The following ZYG11B variants were observed in gnomAD, a reference collection of about 807,000 sequenced individuals.
ZYG11B encodes zyg-11 family member B, cell cycle regulator, also known as protein zyg-11 homolog B.
ZYG11B carries 36 observed loss-of-function variants against 82.4 expected under a neutral mutation model. That is an observed-to-expected ratio of 0.44 (90% confidence interval 0.33 to 0.58). ZYG11B has a LOEUF of 0.58. Ranked by LOEUF, ZYG11B falls within the 20% of genes least tolerant of loss-of-function variation. The pLI is 0.02. For missense variants in ZYG11B, 552 were observed against 895.6 expected, an observed-to-expected ratio of 0.62 and a Z score of 4.90; for synonymous variants, 303 against 312.8, an observed-to-expected ratio of 0.97 and a Z score of 0.33.
rs923847544 is a variant in ZYG11B, at chr1:52,726,487, C to A, written c.-167C>A. The A allele has an allele frequency of 8.6e-6, 5 of 581,876 alleles. No homozygotes were observed. The African/African-American group carries it at 9.8e-5, about 11-fold the overall frequency. The allele number at this position is 581,876 out of a possible 1,614,324, so 36.0% of individuals were successfully genotyped here. ...GCTCTGGTTCGGGCTGCGGCTGCGGCTGCGGCTGCGGCTGCTACTGCTACG... is the reference window on the plus strand; with the variant it reads ...GCTCTGGTTCGGGCTGCGGCTGCGGATGCGGCTGCGGCTGCTACTGCTACG... On this transcript the variant is annotated 5_prime_UTR_variant, in exon 1 of 14. The change creates a new upstream start codon in the 5' untranslated region. Coordinates refer to ENST00000294353, the MANE Select transcript of ZYG11B (RefSeq NM_024646.3).
chr1:52,775,483 G>A (rs1290600878), intron 3 of ZYG11B, among the ~76,000 whole-genome samples: 2 of 151,520 alleles, frequency 1.3e-5, no homozygotes, highest in African/African-American at 4.9e-5. Flanking sequence ...TTGAGGTCAG[G>A]AGTTCAAGAC....
chr1:52,789,912 CT>C, intron 5 of ZYG11B, 90 bp from the exon 6 acceptor site: 1 of 861,176 alleles, frequency 1.2e-6, no homozygotes, highest in Non-Finnish European at 1.7e-6. Flanking sequence ...CATCAGTCTT[CT>C]TCTTTTTTTT....
intron 4 of ZYG11B, 84 bp from the exon 5 acceptor site, chr1:52,784,793 C>T (rs1325855218): frequency 2.5e-5 from 36 of 1,433,970 alleles, no homozygotes; most frequent in East Asian, 1.4e-4. Context: ...TTTGAAATTA[C>T]TATAGACCAA....
At position 52,783,838 on chromosome 1, in the gene ZYG11B, A is replaced by ATGTACATACACGTGTGTGTG. The variant is rs1644880181; in HGVS notation, c.1093-1038_1093-1037insGTACATACACGTGTGTGTGT. On this transcript the variant is annotated intron_variant, in intron 4 of 13. Transcript: ENST00000294353. Reference sequence around the variant, plus strand: ...CACGTATATGTATACATACGTGTGTATATGTACATACACGTGTGTGTGTAT... The same window carrying ATGTACATACACGTGTGTGTG: ...CACGTATATGTATACATACGTGTGTATGTACATACACGTGTGTGTGTATGTACATACACGTGTGTGTGTAT... 4.1e-3 allele frequency among the ~76,000 whole-genome samples: 420 copies of ATGTACATACACGTGTGTGTG among 101,774 alleles called. 11 individuals carry two copies. The highest frequency in any genetic ancestry group is 0.026 in the Middle Eastern group (5 of 196). The allele number at this position is 101,774 out of a possible 152,430, so 66.8% of individuals were successfully genotyped here.
intron 5 of ZYG11B, among the ~76,000 whole-genome samples, chr1:52,789,513 T>A (rs1644938231): frequency 6.6e-6 from 1 of 152,220 alleles, no homozygotes; most frequent in Non-Finnish European, 1.5e-5. Context: ...TTTCATTTAC[T>A]CTTGTTTAAT....
chr1:52,759,067 G>A (rs1644604258), intron 2 of ZYG11B, among the ~76,000 whole-genome samples: 1 of 152,078 alleles, frequency 6.6e-6, no homozygotes, highest in African/African-American at 2.4e-5. Context: ...GAGTAGCTGG[G>A]ACTACAGGTG....
intron 13 of ZYG11B, among the ~76,000 whole-genome samples, chr1:52,819,795 T>A (rs567336): frequency 0.53 from 74,301 of 140,332 alleles, 19,911 homozygotes; most frequent in East Asian, 0.73. Context: ...GAAAAAAAAA[T>A]AATAATAATA....
chr1:52,767,225 T>C (rs1324336655), intron 2 of ZYG11B, among the ~76,000 whole-genome samples: 1 of 151,272 alleles, frequency 6.6e-6, no homozygotes, highest in African/African-American at 2.4e-5. Context: ...TGTTATTTTA[T>C]TTTGTTATTT....
At chr1:52,816,917 T>C (rs1439832915) in intron 13 of ZYG11B, among the ~76,000 whole-genome samples, 1 of 151,284 alleles carries the variant, frequency 6.6e-6, no homozygotes, top group East Asian at 1.9e-4. Context: ...GCCTCCCGAG[T>C]AGCTGAGATA....
chr1:52,819,486 G>A lies in ZYG11B; in HGVS notation c.2045-1953G>A, dbSNP rs529881376. Among the ~76,000 whole-genome samples the A allele has an allele frequency of 2.6e-5, 4 of 152,170 alleles. No individual in the cohort carries two copies. In the South Asian group the frequency reaches 8.3e-4, roughly 32 times the overall value. On this transcript the variant is annotated intron_variant, in intron 13 of 13. Coordinates refer to ENST00000294353, the MANE Select transcript of ZYG11B (RefSeq NM_024646.3). ...AGTAGGAGAAAATAAAACATAATAA[G>A]TAAATAATAGTGCATTTTTGGCTGG... is the stretch of plus-strand genomic sequence containing the variant.
At chr1:52,767,169 T>C (rs977528694) in intron 2 of ZYG11B, among the ~76,000 whole-genome samples, 1 of 129,662 alleles carries the variant, frequency 7.7e-6, no homozygotes, top group African/African-American at 2.5e-5. Context: ...TTTTATGTTA[T>C]GTTATTTTGT....
In ZYG11B at chr1:52,776,533, C is replaced by CAA. The variant is rs139862670; in HGVS notation, c.952-3302_952-3301dup. On this transcript the variant is annotated intron_variant, in intron 3 of 13. Coordinates refer to ENST00000294353, the MANE Select transcript of ZYG11B (RefSeq NM_024646.3). Reference sequence around the variant, plus strand: ...TGAGCAATAGAGAAAGACTGTGTCTCAAAAAAAAAAAAAAAAAAATTGGCT... The same window carrying CAA: ...TGAGCAATAGAGAAAGACTGTGTCTCAAAAAAAAAAAAAAAAAAAAATTGGCT... Among the ~76,000 whole-genome samples, 170 of 92,044 alleles carry CAA rather than the reference C, an allele frequency of 1.8e-3. 1 individual carries two copies. The highest frequency in any genetic ancestry group is 4.2e-3 in the African/African-American group (116 of 27,640). The allele number at this position is 92,044 out of a possible 152,430, so 60.4% of individuals were successfully genotyped here.
rs556564634 is a variant in ZYG11B, at chr1:52,765,878, C to A, written c.197-5142C>A. Among the ~76,000 whole-genome samples, 4 of 152,164 alleles carry A rather than the reference C, an allele frequency of 2.6e-5. No homozygotes were observed. In the South Asian group the frequency reaches 6.2e-4, roughly 24 times the overall value. ...AGATATTCCAGTGACACAAATATAG[C>A]TTTAGGTTTTTGGTTTTGGTTTTTT... is the stretch of plus-strand genomic sequence containing the variant. On this transcript the variant is annotated intron_variant, in intron 2 of 13. Coordinates refer to ENST00000294353, the MANE Select transcript of ZYG11B (RefSeq NM_024646.3).
intron 12 of ZYG11B, among the ~76,000 whole-genome samples, chr1:52,815,526 G>A (rs1645216044): frequency 6.6e-6 from 1 of 151,732 alleles, no homozygotes. Flanking sequence ...AGGCTAAGGT[G>A]GGAGAATCGC....
intron 6 of ZYG11B, 39 bp from the exon 7 acceptor site, chr1:52,796,253 C>T (rs772256649): frequency 1.3e-6 from 2 of 1,515,450 alleles, no homozygotes; most frequent in South Asian, 2.3e-5. Flanking sequence ...GTGCCTGGGC[C>T]TCCACGATTA....
intron 10 of ZYG11B, chr1:52,805,613 C>T (rs560461388): frequency 1.4e-4 from 56 of 402,684 alleles, no homozygotes; most frequent in African/African-American, 9.1e-4. Flanking sequence ...GGGTGGATCA[C>T]GTGCGGTCAG....
intron 2 of ZYG11B, among the ~76,000 whole-genome samples, chr1:52,768,660 T>A (rs2149936778): frequency 6.7e-6 from 1 of 149,750 alleles, no homozygotes; most frequent in Non-Finnish European, 1.5e-5. Context: ...AGTGGCGCCA[T>A]CTCGGCTCAC....
intron 3 of ZYG11B, among the ~76,000 whole-genome samples, chr1:52,775,294 T>C (rs1382031239): frequency 6.6e-6 from 1 of 152,164 alleles, no homozygotes; most frequent in Non-Finnish European, 1.5e-5. Flanking sequence ...GCAGTGAAGG[T>C]ACATAAATGT....
chr1:52,736,595 G>T (rs1644380504), intron 1 of ZYG11B, among the ~76,000 whole-genome samples: 1 of 152,128 alleles, frequency 6.6e-6, no homozygotes. Flanking sequence ...TGGGATTACA[G>T]GCACCTGCCA....
Sources: allele counts gnomAD v4.1 joint callset (sites outside exome capture counted in the v4.1 genomes callset), GRCh38; gene constraint gnomAD v4.1.1; transcripts MANE v1.5; gene names NCBI Gene and HGNC (gene_info 2026-07-23, HGNC 2026-07-21).